RELCH: variants seen among roughly 807,000 people sequenced by gnomAD.
RELCH encodes the protein RAB11-binding protein RELCH.
In RELCH, 41 loss-of-function variants were observed where a neutral mutation model predicts 150.3. The ratio of observed to expected loss-of-function variants is 0.27; its 90% confidence interval spans 0.21 to 0.35. The LOEUF is 0.35. Among genes scored for constraint, RELCH ranks in the 10% least tolerant of loss-of-function variants. The probability of loss-of-function intolerance (pLI) is 1.00; values close to 1 mark genes in which losing one functional copy is unlikely to be tolerated. For synonymous variants in RELCH, 478 were observed against 531.8 expected (o/e 0.90, Z 1.39); for missense variants, 1,092 against 1,467.8 (o/e 0.74, Z 4.18).
Position 62,306,629 on chromosome 18 carries a change from T to TA in RELCH, c.*1096dup, listed in dbSNP as rs2045886855. On this transcript the variant is annotated 3_prime_UTR_variant, in exon 29 of 29. Coordinates refer to ENST00000644646, the MANE Select transcript of RELCH (RefSeq NM_001346231.2). ...CCTCCTGTGTTTGATGTATATTACA[T>TA]AGAGTCTTAAGTCAGTGTACAGTTC... 1 of 152,714 alleles carries TA rather than the reference T, an allele frequency of 6.5e-6. No homozygotes were observed. Among genetic ancestry groups the TA allele is most frequent in the East Asian group, 1.9e-4 (1 of 5,190 alleles). The allele number at this position is 152,714 out of a possible 1,614,324, so 9.5% of individuals were successfully genotyped here.
rs1268151969 is a variant in RELCH, at chr18:62,221,100, A to G, written c.680A>G (p.Lys227Arg). 6.2e-7 allele frequency: 1 copy of G among 1,613,240 alleles called. No individual in the cohort carries two copies. The highest frequency in any genetic ancestry group is 1.3e-5 in the African/African-American group (1 of 74,872). Residue 227 changes from lysine (K) to arginine (R), a missense_variant, in exon 3 of 29, where the codon AAG (lysine) becomes AGG (arginine). By Grantham distance (26) the Lys-to-Arg change is conservative. Coordinates refer to ENST00000644646, the MANE Select transcript of RELCH (RefSeq NM_001346231.2). ...CAGGCCCTCCGAGCCAACCTGACAA[A>G]GGCCGCAGGTGGTGTACATAAAACT... ...TIQALRANLT[K>R]AAEHEVPLQE...
Position 62,275,488 on chromosome 18 carries a change from G to A in RELCH, c.2967+15G>A. On this transcript the variant is annotated intron_variant, in intron 22 of 28. Transcript: ENST00000644646. ...GAATGTTTGAGGTATGTCAACACAT[G>A]CCTCTGTTGGTTTCAATTATAATGA... 2.0e-6 allele frequency: 3 copies of A among 1,471,980 alleles called. No individual in the cohort carries two copies. The highest frequency in any genetic ancestry group is 1.1e-5 in the South Asian group (1 of 87,576). The allele number at this position is 1,471,980 out of a possible 1,614,324, so 91.2% of individuals were successfully genotyped here.
At position 62,187,935 on chromosome 18, in the gene RELCH, C is replaced by T; in HGVS notation, c.430C>T (p.Pro144Ser). ...CAACTTCGAGAGGCAAAGTGGAACC[C>T]CGCCGGGGATGGGGGCGCCAGGGGT... is the stretch of plus-strand genomic sequence containing the variant. ...PGNFERQSGT[P>S]PGMGAPGVPG... The change falls in exon 1 of 29, where the codon CCG (proline) becomes TCG (serine). Residue 144 changes from proline (P) to serine (S), a missense_variant. Coordinates refer to ENST00000644646, the MANE Select transcript of RELCH (RefSeq NM_001346231.2). 2 of 1,597,270 alleles carry T rather than the reference C, an allele frequency of 1.3e-6. No individual in the cohort carries two copies. The highest frequency in any genetic ancestry group is 1.7e-6 in the Non-Finnish European group (2 of 1,172,958).
intron 20 of RELCH, among the ~76,000 whole-genome samples, chr18:62,271,647 C>T (rs574982033): frequency 6.6e-6 from 1 of 152,148 alleles, no homozygotes; most frequent in Admixed American, 6.5e-5. Flanking sequence ...GTGTTTTAGT[C>T]ATGAAGTCCT....
intron 11 of RELCH, among the ~76,000 whole-genome samples, chr18:62,248,819 T>C (rs1244331188): frequency 6.6e-6 from 1 of 152,190 alleles, no homozygotes; most frequent in Non-Finnish European, 1.5e-5. Context: ...GATGCCTGAG[T>C]TGAGCATCTA....
intron 22 of RELCH, among the ~76,000 whole-genome samples, chr18:62,279,374 T>G (rs1031824521): frequency 6.6e-6 from 1 of 152,202 alleles, no homozygotes; most frequent in Admixed American, 6.5e-5. Flanking sequence ...ACAGCCCAGT[T>G]TGTACCCTGT....
intron 10 of RELCH, among the ~76,000 whole-genome samples, chr18:62,241,184 C>T (rs935627809): frequency 2.0e-5 from 3 of 152,156 alleles, no homozygotes; most frequent in Non-Finnish European, 4.4e-5. Flanking sequence ...GCTGACCTGC[C>T]CTTTGCTTTC....
At chr18:62,264,430 A>G (rs1488985583) in intron 17 of RELCH, among the ~76,000 whole-genome samples, 1 of 152,092 alleles carries the variant, frequency 6.6e-6, no homozygotes, top group African/African-American at 2.4e-5. Flanking sequence ...AAATGATGCC[A>G]TGTAAAGCCA....
chr18:62,296,346 G>A (rs1406108704), intron 27 of RELCH, among the ~76,000 whole-genome samples: 1 of 152,192 alleles, frequency 6.6e-6, no homozygotes. Flanking sequence ...CCAGCACTTT[G>A]GGAGGCTGAG....
chr18:62,263,585 T>C (rs1506323), intron 16 of RELCH, among the ~76,000 whole-genome samples: 24,739 of 152,078 alleles, frequency 0.16, 2,702 homozygotes, highest in Middle Eastern at 0.28. Context: ...TGGGTTATAA[T>C]TTGTTATGAA....
chr18:62,280,218 T>C, intron 23 of RELCH: 1 of 661,586 alleles, frequency 1.5e-6, no homozygotes. Flanking sequence ...CATGAACCAA[T>C]GGCCTAACAT....
At chr18:62,300,864 A>G (rs543243704) in intron 28 of RELCH, 1 of 152,356 alleles carries the variant, frequency 6.6e-6, no homozygotes, top group African/African-American at 2.4e-5. Flanking sequence ...GCAGGCAGAA[A>G]ATGTATGCAT....
chr18:62,197,377 T>G (rs1417083657), intron 1 of RELCH, among the ~76,000 whole-genome samples: 1 of 152,196 alleles, frequency 6.6e-6, no homozygotes, highest in Non-Finnish European at 1.5e-5. Flanking sequence ...AAACCTAGAT[T>G]GGTTGTTTGG....
In RELCH at chr18:62,308,262, G is replaced by A. The variant is rs2045930205; in HGVS notation, c.*2728G>A. On this transcript the variant is annotated 3_prime_UTR_variant, in exon 29 of 29. Transcript: ENST00000644646. ...GGACCATTATTTGAACTCCAAGGATGTAACTTTCTGTAGTTACTACCCTGC... is the reference window on the plus strand; with the variant it reads ...GGACCATTATTTGAACTCCAAGGATATAACTTTCTGTAGTTACTACCCTGC... 6.6e-6 allele frequency: 1 copy of A among 152,198 alleles called. No individual in the cohort carries two copies. Among genetic ancestry groups the A allele is most frequent in the African/African-American group, 2.4e-5 (1 of 41,448 alleles). 9.4% of individuals were successfully genotyped at this position (152,198 alleles called of 1,614,324 possible).
intron 13 of RELCH, 89 bp from the exon 14 acceptor site, chr18:62,257,859 G>T: frequency 9.9e-7 from 1 of 1,008,036 alleles, no homozygotes; most frequent in South Asian, 1.9e-5. Context: ...TGTTTAATCT[G>T]GATTTTGACC....
intron 7 of RELCH, 134 bp from the exon 8 acceptor site, chr18:62,228,171 T>C: frequency 1.5e-6 from 1 of 688,202 alleles, no homozygotes; most frequent in Non-Finnish European, 2.4e-6. Flanking sequence ...TAAAAAAGAT[T>C]TATTACTTGC....
At chr18:62,207,539 T>G (rs1454924195) in intron 1 of RELCH, among the ~76,000 whole-genome samples, 1 of 152,198 alleles carries the variant, frequency 6.6e-6, no homozygotes, top group Non-Finnish European at 1.5e-5. Flanking sequence ...CTATGATAGA[T>G]AACTCTGTAG....
At chr18:62,198,474 T>C (rs894819213) in intron 1 of RELCH, among the ~76,000 whole-genome samples, 2 of 152,268 alleles carry the variant, frequency 1.3e-5, no homozygotes, top group South Asian at 4.1e-4. Flanking sequence ...CCGTCAGAAA[T>C]AGTGTTCATT....
At position 62,307,089 on chromosome 18, in the gene RELCH, A is replaced by G. The variant is rs2045901809; in HGVS notation, c.*1555A>G. Reference sequence around the variant, plus strand: ...CCTTTCATGTCAAAAATGTTGATCTATTATAAATAAAATGTTTTTGCATAT... The same window carrying G: ...CCTTTCATGTCAAAAATGTTGATCTGTTATAAATAAAATGTTTTTGCATAT... On this transcript the variant is annotated 3_prime_UTR_variant, in exon 29 of 29. Transcript: ENST00000644646. 1.3e-5 allele frequency: 2 copies of G among 152,282 alleles called. No individual in the cohort carries two copies. The highest frequency in any genetic ancestry group is 4.8e-5 in the African/African-American group (2 of 41,468). 9.4% of individuals were successfully genotyped at this position (152,282 alleles called of 1,614,324 possible). A position where few individuals can be genotyped will look rare whatever the true frequency, so the allele number is the denominator to read the frequency against.
Sources: allele counts gnomAD v4.1 joint callset (sites outside exome capture counted in the v4.1 genomes callset), GRCh38; gene constraint gnomAD v4.1.1; transcripts MANE v1.5; gene names NCBI Gene and HGNC (gene_info 2026-07-23, HGNC 2026-07-21).